Variants in CACNA2D3 observed in about 807,000 individuals in gnomAD.
CACNA2D3 encodes voltage-dependent calcium channel subunit alpha-2/delta-3.
CACNA2D3 carries 60 observed loss-of-function variants against 160.6 expected under a neutral mutation model. The observed-to-expected ratio is 0.37, with a 90% CI of 0.30 to 0.46. CACNA2D3 has a LOEUF of 0.46. CACNA2D3 is among the 20% of genes least tolerant of loss of function. CACNA2D3 has a pLI of 1.00. For synonymous variants in CACNA2D3, 558 were observed against 492.9 expected (o/e 1.13, Z -1.75); for missense variants, 1,205 against 1,365.0 (o/e 0.88, Z 1.85).
intron 3 of CACNA2D3, among the ~76,000 whole-genome samples, chr3:54,335,531 T>G (rs536503202): frequency 2.4e-4 from 37 of 152,322 alleles, no homozygotes; most frequent in Admixed American, 3.9e-4. Context: ...GTCACTCTCG[T>G]TGCCGTTTTG....
chr3:54,595,209 G>A (rs1702929964), intron 9 of CACNA2D3, among the ~76,000 whole-genome samples: 1 of 152,062 alleles, frequency 6.6e-6, no homozygotes, highest in Non-Finnish European at 1.5e-5. Flanking sequence ...ACAATAGTTA[G>A]TTTGTCATTT....
intron 2 of CACNA2D3, among the ~76,000 whole-genome samples, chr3:54,244,291 G>T (rs1364778511): frequency 6.6e-6 from 1 of 152,226 alleles, no homozygotes; most frequent in Non-Finnish European, 1.5e-5. Flanking sequence ...CTGAGGAACT[G>T]CAAGCAGCTG....
chr3:54,169,019 G>A (rs1026008417), intron 2 of CACNA2D3, among the ~76,000 whole-genome samples: 10 of 152,190 alleles, frequency 6.6e-5, no homozygotes, highest in African/African-American at 1.4e-4. Context: ...TGAAATAGAT[G>A]TTTGAGGACA....
rs1198053600 is a variant in CACNA2D3 at position 54,764,362 on chromosome 3, G to T, written c.1380+11G>T. 5 of 1,613,486 alleles carry T rather than the reference G, an allele frequency of 3.1e-6. No homozygotes were observed. In the Admixed American group the frequency reaches 8.3e-5, roughly 27 times the overall value. On this transcript the variant is annotated intron_variant, in intron 13 of 37. Transcript: ENST00000474759. ...TACATTGACAGCACTGTGAGTCCAC[G>T]GGGCCCTGGGAAAGAGGCTAAGCTT...
chr3:54,895,395 G>A lies in CACNA2D3; in HGVS notation c.2247-1354G>A, dbSNP rs140987559. ...TGCTAGTACAAGTTACAGGGAGGTA[G>A]ATTCCAGAGCTATCTAAGAACCTGG... On this transcript the variant is annotated intron_variant, in intron 25 of 37. Coordinates refer to ENST00000474759, the MANE Select transcript of CACNA2D3 (RefSeq NM_018398.3). 1.6e-3 allele frequency among the ~76,000 whole-genome samples: 251 copies of A among 152,282 alleles called. 1 individual carries two copies. The highest frequency in any genetic ancestry group is 5.2e-3 in the Admixed American group (79 of 15,304).
chr3:54,265,385 T>G (rs773116821), intron 2 of CACNA2D3, among the ~76,000 whole-genome samples: 8 of 151,806 alleles, frequency 5.3e-5, no homozygotes, highest in Non-Finnish European at 1.0e-4. Context: ...CCTGGGCCTG[T>G]TGGGGTTGGG....
intron 11 of CACNA2D3, among the ~76,000 whole-genome samples, chr3:54,669,657 C>T (rs1255997704): frequency 6.6e-6 from 1 of 151,872 alleles, no homozygotes; most frequent in Non-Finnish European, 1.5e-5. Context: ...GTGCTAGACA[C>T]TAATGAGCTG....
At chr3:54,460,151 G>C (rs534790085) in intron 4 of CACNA2D3, among the ~76,000 whole-genome samples, 46 of 151,832 alleles carry the variant, frequency 3.0e-4, no homozygotes, top group African/African-American at 9.4e-4. Context: ...TTTGGTACCA[G>C]TACCATGCTG....
chr3:54,319,790 T>G (rs1049695565), intron 2 of CACNA2D3, among the ~76,000 whole-genome samples: 15 of 152,208 alleles, frequency 9.9e-5, no homozygotes, highest in Non-Finnish European at 1.9e-4. Flanking sequence ...ACTCATTGCA[T>G]GTTAACATAT....
intron 34 of CACNA2D3, among the ~76,000 whole-genome samples, chr3:55,010,394 G>T (rs1703182502): frequency 6.6e-6 from 1 of 152,112 alleles, no homozygotes; most frequent in Non-Finnish European, 1.5e-5. Flanking sequence ...ATAAAAGTTG[G>T]AAGGAAAATA....
At chr3:54,447,798 A>G (rs1356042684) in intron 4 of CACNA2D3, among the ~76,000 whole-genome samples, 2 of 152,168 alleles carry the variant, frequency 1.3e-5, no homozygotes, top group Non-Finnish European at 2.9e-5. Flanking sequence ...CTGTGAGCCA[A>G]CCTTTGGGCT....
intron 11 of CACNA2D3, among the ~76,000 whole-genome samples, chr3:54,679,932 G>GA (rs1227734059): frequency 6.6e-6 from 1 of 152,216 alleles, no homozygotes; most frequent in African/African-American, 2.4e-5. Context: ...TTTATTGCTT[G>GA]AACCAGTGTG....
intron 9 of CACNA2D3, among the ~76,000 whole-genome samples, chr3:54,616,011 C>T (rs570614867): frequency 7.2e-5 from 11 of 152,330 alleles, no homozygotes; most frequent in East Asian, 5.8e-4. Flanking sequence ...TTTCATCCTT[C>T]GCCCTGCCCC....
intron 27 of CACNA2D3, among the ~76,000 whole-genome samples, chr3:54,943,463 A>T (rs1913914): frequency 0.14 from 21,291 of 152,152 alleles, 1,550 homozygotes; most frequent in African/African-American, 0.17. Flanking sequence ...CACCAACATG[A>T]CTGTATGCCC....
intron 10 of CACNA2D3, among the ~76,000 whole-genome samples, chr3:54,631,137 G>A (rs1443021376): frequency 2.6e-5 from 4 of 152,070 alleles, no homozygotes; most frequent in Middle Eastern, 3.4e-3. Flanking sequence ...CCAGGAGGGA[G>A]AGGATGCAGT....
rs1167238120 is a variant in CACNA2D3 at position 54,337,686 on chromosome 3, T to A, written c.321+17128T>A. Among the ~76,000 whole-genome samples the A allele has an allele frequency of 2.0e-5, 3 of 152,322 alleles. No individual in the cohort carries two copies. In the East Asian group the frequency reaches 5.8e-4, roughly 29 times the overall value. On this transcript the variant is annotated intron_variant, in intron 3 of 37. Transcript: ENST00000474759. ...AAAGTTCCATGTCTTTTCGCTTCCT[T>A]TCTTTCCGCCATTCCCTCCTCCTCC... is the stretch of plus-strand genomic sequence containing the variant.
intron 2 of CACNA2D3, among the ~76,000 whole-genome samples, chr3:54,286,956 C>T (rs1238229496): frequency 6.6e-6 from 1 of 152,196 alleles, no homozygotes; most frequent in Non-Finnish European, 1.5e-5. Flanking sequence ...ACAACCAGTA[C>T]CAGCCACTGC....
chr3:54,694,259 T>C (rs1229931856), intron 11 of CACNA2D3, among the ~76,000 whole-genome samples: 1 of 152,242 alleles, frequency 6.6e-6, no homozygotes, highest in East Asian at 1.9e-4. Context: ...AGTCACATGC[T>C]GTACAGGTTT....
At position 54,243,306 on chromosome 3, in the gene CACNA2D3, G is replaced by A. The variant is rs190048287; in HGVS notation, c.205-77136G>A. Among the ~76,000 whole-genome samples, 370 of 152,304 alleles carry A rather than the reference G, an allele frequency of 2.4e-3. 1 individual carries two copies. Among genetic ancestry groups the A allele is most frequent in the African/African-American group, 7.9e-3 (329 of 41,566 alleles). On this transcript the variant is annotated intron_variant, in intron 2 of 37. Coordinates refer to ENST00000474759, the MANE Select transcript of CACNA2D3 (RefSeq NM_018398.3). ...ACGGCAGCTGATGCCAGAAGAATCG[G>A]CCAAAAATGGAATGGGTGCCCTTGA...
Sources: allele counts gnomAD v4.1 joint callset (sites outside exome capture counted in the v4.1 genomes callset), GRCh38; gene constraint gnomAD v4.1.1; transcripts MANE v1.5; gene names NCBI Gene and HGNC (gene_info 2026-07-23, HGNC 2026-07-21).